The following MRPS35 variants were observed in gnomAD, a reference collection of about 807,000 sequenced individuals.
MRPS35 encodes the protein small ribosomal subunit protein mS35.
MRPS35 carries 29 observed loss-of-function variants against 32.7 expected under a neutral mutation model. That is an observed-to-expected ratio of 0.89 (90% CI 0.66 to 1.21). The LOEUF is 1.21. Ranked by LOEUF, MRPS35 falls within the 50% of genes most tolerant of loss-of-function variation. The pLI is 0.00. For missense variants in MRPS35, 373 were observed against 383.8 expected (o/e 0.97, Z 0.23); for synonymous variants, 148 against 139.3 (o/e 1.06, Z -0.44).
At chr12:27,730,294 G>C (rs2061916603) in intron 5 of MRPS35, among the ~76,000 whole-genome samples, 1 of 152,028 alleles carries the variant, frequency 6.6e-6, no homozygotes, top group South Asian at 2.1e-4. Context: ...TCTCAGACTT[G>C]ACTTGTTTTT....
chr12:27,716,246 G>T (rs2061849899), intron 2 of MRPS35, 45 bp from the exon 3 acceptor site: 4 of 1,427,220 alleles, frequency 2.8e-6, no homozygotes, highest in East Asian at 2.6e-5. Flanking sequence ...AAGAATTAAA[G>T]AATGTGTTTA....
chr12:27,717,759 A>G (rs1299483083), intron 3 of MRPS35, among the ~76,000 whole-genome samples: 1 of 152,252 alleles, frequency 6.6e-6, no homozygotes, highest in Admixed American at 6.5e-5. Flanking sequence ...GTATATTTGC[A>G]ATAATGCTAA....
At chr12:27,715,035 C>A (rs772220668) in intron 2 of MRPS35, among the ~76,000 whole-genome samples, 10 of 152,176 alleles carry the variant, frequency 6.6e-5, no homozygotes, top group Non-Finnish European at 1.3e-4. Context: ...GAGGAACTCC[C>A]AGGAAACAGG....
Position 27,740,715 on chromosome 12 carries a change from A to G in MRPS35, c.702+3107A>G, listed in dbSNP as rs148404825. 3.1e-3 allele frequency among the ~76,000 whole-genome samples: 475 copies of G among 152,352 alleles called. 2 individuals carry two copies. The highest frequency in any genetic ancestry group is 0.011 in the African/African-American group (445 of 41,576). ...TCCAGTAGAAGGATATTACTGTTGT[A>G]TACTATTCAAAACAGTTTAACTATA... is the stretch of plus-strand genomic sequence containing the variant. On this transcript the variant is annotated intron_variant, in intron 7 of 7. Coordinates refer to ENST00000081029, the MANE Select transcript of MRPS35 (RefSeq NM_021821.4).
At chr12:27,738,864 C>T (rs2061952694) in intron 7 of MRPS35, among the ~76,000 whole-genome samples, 1 of 149,334 alleles carries the variant, frequency 6.7e-6, no homozygotes, top group Admixed American at 6.7e-5. Context: ...AGAGATACAA[C>T]AAGGTAGCGA....
At chr12:27,716,503 A>T (rs1264469305) in intron 3 of MRPS35, 45 bp downstream of exon 3, 1 of 1,597,992 alleles carries the variant, frequency 6.3e-7, no homozygotes, top group East Asian at 2.2e-5. Flanking sequence ...ACATAGAAAT[A>T]AATGCTGATC....
chr12:27,744,905 C>A (rs2061976878), intron 7 of MRPS35, among the ~76,000 whole-genome samples: 1 of 152,044 alleles, frequency 6.6e-6, no homozygotes, highest in Non-Finnish European at 1.5e-5. Context: ...GATCACCTTG[C>A]ATTAACATAA....
intron 5 of MRPS35, among the ~76,000 whole-genome samples, chr12:27,734,329 G>A (rs953348900): frequency 6.8e-6 from 1 of 147,928 alleles, no homozygotes; most frequent in Admixed American, 6.9e-5. Context: ...CAAAACCTCC[G>A]CCTCCTGGGT....
intron 7 of MRPS35, among the ~76,000 whole-genome samples, chr12:27,751,770 G>A (rs2062005028): frequency 6.6e-6 from 1 of 152,170 alleles, no homozygotes; most frequent in Non-Finnish European, 1.5e-5. Context: ...ACGGTAGCAG[G>A]GCAATTATAC....
chr12:27,735,491 A>G lies in MRPS35; in HGVS notation c.567A>G (p.Lys189=), dbSNP rs1591799772. 6.2e-7 allele frequency: 1 copy of G among 1,612,128 alleles called. No homozygotes were observed. The highest frequency in any genetic ancestry group is 2.2e-5 in the East Asian group (1 of 44,748). Residue 189 remains lysine, a synonymous_variant, in exon 6 of 8, where the codon AAA becomes AAG. Transcript: ENST00000081029. ...ATTTAGATGATCACGCAAAGAAGAA[A>G]TTAATTAAACTTGTAGGAGAGCGAT... is the stretch of plus-strand genomic sequence containing the variant. ...SLNLDDHAKK[K]LIKLVGERYC...
chr12:27,722,973 A>G (rs1157649412), intron 4 of MRPS35, among the ~76,000 whole-genome samples: 1 of 152,176 alleles, frequency 6.6e-6, no homozygotes, highest in African/African-American at 2.4e-5. Context: ...TTAGACTGTC[A>G]CCTAGAAGAG....
At chr12:27,750,276 C>T (rs181815188) in intron 7 of MRPS35, among the ~76,000 whole-genome samples, 33 of 152,258 alleles carry the variant, frequency 2.2e-4, no homozygotes, top group African/African-American at 7.7e-4. Context: ...CTGAAATCCC[C>T]CAATAGATTG....
At chr12:27,715,912 C>T (rs564367947) in intron 2 of MRPS35, among the ~76,000 whole-genome samples, 7 of 152,118 alleles carry the variant, frequency 4.6e-5, no homozygotes, top group Non-Finnish European at 8.8e-5. Flanking sequence ...AAGTACTTAA[C>T]GCCCCCTCAT....
At chr12:27,741,276 T>C (rs2140776970) in intron 7 of MRPS35, among the ~76,000 whole-genome samples, 1 of 152,296 alleles carries the variant, frequency 6.6e-6, no homozygotes, top group South Asian at 2.1e-4. Flanking sequence ...TTTTTAACCT[T>C]TGGAGCCAGA....
intron 7 of MRPS35, among the ~76,000 whole-genome samples, chr12:27,753,971 A>T (rs192851662): frequency 6.6e-6 from 1 of 152,358 alleles, no homozygotes. Context: ...ATTCCAGGAT[A>T]GGCTGGGTGT....
At chr12:27,742,886 T>A (rs984495197) in intron 7 of MRPS35, among the ~76,000 whole-genome samples, 4 of 152,094 alleles carry the variant, frequency 2.6e-5, no homozygotes, top group Non-Finnish European at 4.4e-5. Context: ...AGACTGAGTT[T>A]TGCTTTGTCA....
chr12:27,732,471 C>T (rs116482121), intron 5 of MRPS35, among the ~76,000 whole-genome samples: 132 of 152,292 alleles, frequency 8.7e-4, no homozygotes, highest in African/African-American at 3.0e-3. Context: ...CTAGACTCTG[C>T]ACCCCACCTG....
chr12:27,737,190 C>G (rs1300400066), intron 6 of MRPS35, among the ~76,000 whole-genome samples: 3 of 152,214 alleles, frequency 2.0e-5, no homozygotes, highest in Non-Finnish European at 4.4e-5. Flanking sequence ...TAGATGAACT[C>G]ATCAGATATG....
intron 5 of MRPS35, among the ~76,000 whole-genome samples, chr12:27,735,141 T>C (rs1312982755): frequency 6.6e-6 from 1 of 152,236 alleles, no homozygotes; most frequent in Non-Finnish European, 1.5e-5. Flanking sequence ...AGTTTAATTC[T>C]ATTAGTGCTA....
Sources: gnomAD v4.1 joint callset for allele counts (sites outside exome capture counted in the v4.1 genomes callset) on GRCh38, gnomAD v4.1.1 for gene constraint, MANE v1.5 for transcripts, NCBI Gene and HGNC (gene_info 2026-07-23, HGNC 2026-07-21) for gene names.